The following AKAP7 variants were observed in gnomAD, a reference collection of about 807,000 sequenced individuals.
The protein encoded by AKAP7 is A kinase (PRKA) anchor protein 7.
A neutral mutation model predicts 39.5 loss-of-function variants in AKAP7; 39 were observed. The observed-to-expected ratio is 0.99, with a 90% CI of 0.76 to 1.29. The LOEUF (loss-of-function observed/expected upper bound fraction) is 1.29. AKAP7 is among the 50% of genes most tolerant of loss of function. AKAP7 has a pLI of 0.00. For synonymous variants in AKAP7, 140 were observed against 139.1 expected (o/e 1.01, Z -0.05); for missense variants, 414 against 407.7 (o/e 1.02, Z -0.13).
chr6:131,195,029 G>A (rs748706568), intron 5 of AKAP7, among the ~76,000 whole-genome samples: 7 of 151,946 alleles, frequency 4.6e-5, no homozygotes, highest in Non-Finnish European at 1.0e-4. Context: ...AGTTTAGTCT[G>A]TTTACATTCA....
intron 6 of AKAP7, chr6:131,200,946 A>T (rs1371122234): frequency 1.3e-5 from 2 of 152,198 alleles, no homozygotes; most frequent in African/African-American, 4.8e-5. Context: ...CTTTGTCTTT[A>T]TAATATTAAC....
chr6:131,247,218 C>T (rs1208734894), intron 7 of AKAP7, among the ~76,000 whole-genome samples: 1 of 143,338 alleles, frequency 7.0e-6, no homozygotes, highest in East Asian at 2.1e-4. Flanking sequence ...CATTATCTAG[C>T]TCCCCTTCAT....
At chr6:131,277,942 G>A (rs1159433915) in intron 7 of AKAP7, among the ~76,000 whole-genome samples, 1 of 152,238 alleles carries the variant, frequency 6.6e-6, no homozygotes, top group Non-Finnish European at 1.5e-5. Context: ...TTCATCAAGC[G>A]AAGTGGAGGT....
At chr6:131,163,006 C>T (rs550683522) in intron 3 of AKAP7, among the ~76,000 whole-genome samples, 2 of 88,492 alleles carry the variant, frequency 2.3e-5, no homozygotes, top group South Asian at 1.3e-3. Context: ...TTCGCTCTCG[C>T]TCTCTCTCTC....
At chr6:131,126,616 A>G in the AKAP7 span, among the ~76,000 whole-genome samples, 1 of 152,208 alleles carries the variant, frequency 6.6e-6, no homozygotes, top group African/African-American at 2.4e-5. Flanking sequence ...GATGGAGACT[A>G]TAAAATCCCT....
At chr6:131,237,141 T>A (rs1811139641) in intron 7 of AKAP7, among the ~76,000 whole-genome samples, 1 of 152,208 alleles carries the variant, frequency 6.6e-6, no homozygotes, top group African/African-American at 2.4e-5. Context: ...GTCAAAGGCC[T>A]TTTCTGCATC....
intron 6 of AKAP7, among the ~76,000 whole-genome samples, chr6:131,207,491 A>ATATTTTTTTTTTTTTTTTTTTTTTT (rs1554211848): frequency 1.3e-5 from 1 of 78,806 alleles, no homozygotes; most frequent in African/African-American, 5.0e-5. Flanking sequence ...GCTAATTAAA[A>ATATTTTTTTTTTTTTTTTTTTTTTT]TTTTTTTTTT....
chr6:131,186,181 T>A (rs902871993), intron 5 of AKAP7, among the ~76,000 whole-genome samples: 3 of 152,166 alleles, frequency 2.0e-5, no homozygotes, highest in African/African-American at 7.2e-5. Flanking sequence ...ATCCTCTTGG[T>A]ACCATCCTCA....
the AKAP7 span, among the ~76,000 whole-genome samples, chr6:131,127,575 A>T: frequency 6.6e-6 from 1 of 152,232 alleles, no homozygotes; most frequent in Non-Finnish European, 1.5e-5. Flanking sequence ...TTAATACATA[A>T]GACTACATAC....
intron 6 of AKAP7, among the ~76,000 whole-genome samples, chr6:131,216,999 A>AT (rs1418494533): frequency 3.9e-5 from 6 of 152,160 alleles, no homozygotes; most frequent in African/African-American, 1.4e-4. Flanking sequence ...AATTTTCATG[A>AT]TATCTTTTGA....
chr6:131,194,261 A>T (rs1279883918), intron 5 of AKAP7, among the ~76,000 whole-genome samples: 3 of 151,570 alleles, frequency 2.0e-5, no homozygotes, highest in Non-Finnish European at 4.4e-5. Context: ...TGTTTCAATA[A>T]TTTTTTCAGT....
rs1455299201 is a variant in AKAP7 at position 131,136,748 on chromosome 6, AT to A, written c.19+970del. 7 of 557,338 alleles carry A rather than the reference AT, an allele frequency of 1.3e-5. No homozygotes were observed. The African/African-American group carries it at 1.4e-4, about 11-fold the overall frequency. 34.5% of individuals were successfully genotyped at this position (557,338 alleles called of 1,614,324 possible). On this transcript the variant is annotated intron_variant, in intron 1 of 7. Coordinates refer to ENST00000431975, the MANE Select transcript of AKAP7 (RefSeq NM_016377.4). ...TGTCCATTTCTCCCTAATAATTTGGATTTTACTTTTGTTCCCTTTTTATGAG... is the reference window on the plus strand; with the variant it reads ...TGTCCATTTCTCCCTAATAATTTGGATTTACTTTTGTTCCCTTTTTATGAG...
intron 6 of AKAP7, among the ~76,000 whole-genome samples, chr6:131,217,056 C>G (rs190484387): frequency 6.6e-6 from 1 of 152,214 alleles, no homozygotes; most frequent in Non-Finnish European, 1.5e-5. Flanking sequence ...GTAATAGTGC[C>G]TTGGGTCTGG....
Position 131,282,378 on chromosome 6 carries a change from T to G in AKAP7, c.*652T>G. 8 of 1,443,116 alleles carry G rather than the reference T, an allele frequency of 5.5e-6. No individual in the cohort carries two copies. Among genetic ancestry groups the G allele is most frequent in the Non-Finnish European group, 5.5e-6 (6 of 1,099,302 alleles). The allele number at this position is 1,443,116 out of a possible 1,614,324, so 89.4% of individuals were successfully genotyped here. On this transcript the variant is annotated 3_prime_UTR_variant, in exon 8 of 8. Transcript: ENST00000431975. The stretch of plus-strand genomic sequence containing the variant: ...TATGCCATATTTAATGAAATGTTAT[T>G]ATATAATTTTTTTTTCTTAGGCAAG...
the AKAP7 span, among the ~76,000 whole-genome samples, chr6:131,126,460 A>G: frequency 2.0e-5 from 3 of 152,224 alleles, no homozygotes; most frequent in African/African-American, 7.2e-5. Flanking sequence ...CAAAAACAAC[A>G]GCCAAAAGGC....
At chr6:131,268,259 T>C (rs1171924141) in intron 7 of AKAP7, among the ~76,000 whole-genome samples, 1 of 152,174 alleles carries the variant, frequency 6.6e-6, no homozygotes, top group Non-Finnish European at 1.5e-5. Flanking sequence ...GGTGGGTGTC[T>C]TGGATGAACT....
intron 3 of AKAP7, among the ~76,000 whole-genome samples, chr6:131,162,108 C>G (rs1202721852): frequency 1.3e-5 from 2 of 152,210 alleles, no homozygotes; most frequent in Non-Finnish European, 2.9e-5. Context: ...TGCCCTCTCT[C>G]CCCTCCTAGC....
At chr6:131,278,134 A>G (rs532951859) in intron 7 of AKAP7, among the ~76,000 whole-genome samples, 34 of 152,300 alleles carry the variant, frequency 2.2e-4, no homozygotes, top group African/African-American at 8.2e-4. Flanking sequence ...ACAAATATGT[A>G]TTGAGCTCTT....
At chr6:131,198,319 T>C (rs1288706939) in intron 5 of AKAP7, among the ~76,000 whole-genome samples, 1 of 152,204 alleles carries the variant, frequency 6.6e-6, no homozygotes, top group Non-Finnish European at 1.5e-5. Flanking sequence ...ATTTATCTTT[T>C]CAAAAATGAG....
Sources: gnomAD v4.1 joint callset for allele counts (sites outside exome capture counted in the v4.1 genomes callset) on GRCh38, gnomAD v4.1.1 for gene constraint, MANE v1.5 for transcripts, NCBI Gene and HGNC (gene_info 2026-07-23, HGNC 2026-07-21) for gene names.